Variants in DYRK1A observed in about 807,000 individuals in gnomAD.
DYRK1A encodes the protein dual specificity tyrosine-phosphorylation-regulated kinase 1A.
Under a neutral mutation model 79.7 loss-of-function variants are expected in DYRK1A, and 9 were observed. That is an observed-to-expected ratio of 0.11 (90% CI 0.07 to 0.20). The LOEUF (loss-of-function observed/expected upper bound fraction) is 0.20, where lower values mean the gene tolerates loss of function less well. DYRK1A is among the 10% of genes least tolerant of loss of function. The probability of loss-of-function intolerance (pLI) is 1.00; values close to 1 mark genes in which losing one functional copy is unlikely to be tolerated. For synonymous variants in DYRK1A, 349 were observed against 329.7 expected (o/e 1.06, Z -0.63); for missense variants, 622 against 956.0 (o/e 0.65, Z 4.61).
intron 1 of DYRK1A, among the ~76,000 whole-genome samples, chr21:37,390,643 A>G (rs965673336): frequency 6.6e-6 from 1 of 152,088 alleles, no homozygotes; most frequent in African/African-American, 2.4e-5. Context: ...ATCTTGGCTC[A>G]TTGCAACCTC....
In DYRK1A at chr21:37,430,387, A is replaced by G. The variant is rs570973661; in HGVS notation, c.10+10003A>G. 7.1e-6 allele frequency: 7 copies of G among 985,394 alleles called. No homozygotes were observed. The South Asian group carries it at 1.9e-4, about 26-fold the overall frequency. The allele number at this position is 985,394 out of a possible 1,614,324, so 61.0% of individuals were successfully genotyped here. ...TCGTTCCAGTCATAGGAGAAATGTT[A>G]CCACTGGATTGAGGTCTGGTACATT... On this transcript the variant is annotated intron_variant, in intron 2 of 11. Coordinates refer to ENST00000647188, the MANE Select transcript of DYRK1A (RefSeq NM_001347721.2).
At chr21:37,411,049 T>TTAAAA (rs1391560478) in intron 1 of DYRK1A, among the ~76,000 whole-genome samples, 7 of 56,442 alleles carry the variant, frequency 1.2e-4, no homozygotes, top group Non-Finnish European at 1.2e-4. Flanking sequence ...ATTCTGTCTT[T>TTAAAA]AAAAAAAAAA....
At chr21:37,488,225 T>C (rs2052945102) in intron 6 of DYRK1A, 4 of 435,558 alleles carry the variant, frequency 9.2e-6, no homozygotes, top group Non-Finnish European at 9.2e-6. Flanking sequence ...TTGGATGAGT[T>C]TTTAAATTCT....
At chr21:37,480,136 A>G (rs2052584385) in intron 4 of DYRK1A, among the ~76,000 whole-genome samples, 1 of 152,204 alleles carries the variant, frequency 6.6e-6, no homozygotes, top group Admixed American at 6.5e-5. Flanking sequence ...TGTTGCCATA[A>G]AATCAAATAT....
intron 2 of DYRK1A, among the ~76,000 whole-genome samples, chr21:37,450,311 A>G (rs2051404492): frequency 1.3e-5 from 2 of 152,144 alleles, no homozygotes; most frequent in South Asian, 2.1e-4. Flanking sequence ...TCAGATACCA[A>G]ATGGCCTAAA....
intron 2 of DYRK1A, among the ~76,000 whole-genome samples, chr21:37,466,043 T>A (rs1011362868): frequency 6.6e-6 from 1 of 152,232 alleles, no homozygotes; most frequent in African/African-American, 2.4e-5. Flanking sequence ...TCACTCAATC[T>A]AGATTCAAAA....
chr21:37,442,394 A>G (rs1200609913), intron 2 of DYRK1A, among the ~76,000 whole-genome samples: 1 of 152,048 alleles, frequency 6.6e-6, no homozygotes, highest in Non-Finnish European at 1.5e-5. Context: ...TAACTTTTTA[A>G]AATCTCTTCT....
At chr21:37,407,535 G>C (rs1036876355) in intron 1 of DYRK1A, among the ~76,000 whole-genome samples, 7 of 152,080 alleles carry the variant, frequency 4.6e-5, no homozygotes, top group African/African-American at 1.7e-4. Flanking sequence ...CCTTTTCAAA[G>C]TTTTTGTTAC....
chr21:37,506,263 A>G (rs2053595571), intron 11 of DYRK1A, 40 bp downstream of exon 11: 2 of 1,613,888 alleles, frequency 1.2e-6, no homozygotes, highest in Non-Finnish European at 1.7e-6. Flanking sequence ...GTCACCTGCC[A>G]TTCTCAGGTG....
chr21:37,488,809 A>G (rs1017591695), intron 6 of DYRK1A: 1 of 985,240 alleles, frequency 1.0e-6, no homozygotes, highest in African/African-American at 1.7e-5. Context: ...GCATTCATTT[A>G]GTGGCACCTG....
intron 1 of DYRK1A, among the ~76,000 whole-genome samples, chr21:37,414,154 A>T (rs1191675167): frequency 3.9e-5 from 6 of 152,138 alleles, no homozygotes; most frequent in Admixed American, 1.3e-4. Context: ...GTGCAAAGGT[A>T]ATACAGTTTT....
chr21:37,417,557 A>T (rs2050380943), intron 1 of DYRK1A, among the ~76,000 whole-genome samples: 1 of 22,778 alleles, frequency 4.4e-5, no homozygotes, highest in Non-Finnish European at 8.0e-5. Context: ...TTTTTTTTAC[A>T]AATCTTGGTG....
At chr21:37,394,937 A>G (rs1400655931) in intron 1 of DYRK1A, among the ~76,000 whole-genome samples, 1 of 152,236 alleles carries the variant, frequency 6.6e-6, no homozygotes. Context: ...TACAGTTCAC[A>G]AACGATCTCA....
Position 37,514,642 on chromosome 21 carries a change from T to C in DYRK1A, c.*2111T>C, listed in dbSNP as rs1011093666. 1 of 152,636 alleles carries C rather than the reference T, an allele frequency of 6.6e-6. No homozygotes were observed. Among genetic ancestry groups the C allele is most frequent in the Non-Finnish European group, 1.5e-5 (1 of 68,040 alleles). The allele number at this position is 152,636 out of a possible 1,614,324, so 9.5% of individuals were successfully genotyped here. ...TCGTTTTTATAAACTACAAAAACTT[T>C]TTGTTGTTTATCAGGAAATCCATAT... On this transcript the variant is annotated 3_prime_UTR_variant, in exon 12 of 12. Transcript: ENST00000647188.
chr21:37,489,036 C>T (rs904036947), intron 6 of DYRK1A, among the ~76,000 whole-genome samples: 7 of 152,082 alleles, frequency 4.6e-5, no homozygotes, highest in Non-Finnish European at 7.4e-5. Flanking sequence ...CTTATTCTAA[C>T]TTTAGATCAC....
intron 1 of DYRK1A, among the ~76,000 whole-genome samples, chr21:37,375,279 G>A (rs1439389724): frequency 1.3e-5 from 2 of 152,140 alleles, no homozygotes; most frequent in Non-Finnish European, 2.9e-5. Flanking sequence ...TTTTAAGTAA[G>A]GTTTTGTTAG....
intron 6 of DYRK1A, among the ~76,000 whole-genome samples, chr21:37,489,688 TA>T (rs1163800382): frequency 6.6e-6 from 1 of 151,136 alleles, no homozygotes; most frequent in Non-Finnish European, 1.5e-5. Context: ...CAGTGAAATC[TA>T]AAGTTCAGCA....
chr21:37,508,648 A>C (rs1374352938), intron 11 of DYRK1A, among the ~76,000 whole-genome samples: 1 of 152,116 alleles, frequency 6.6e-6, no homozygotes. Flanking sequence ...ATGTAGACTT[A>C]TTATCAAGGC....
At chr21:37,439,689 A>G (rs1359370981) in intron 2 of DYRK1A, among the ~76,000 whole-genome samples, 1 of 152,200 alleles carries the variant, frequency 6.6e-6, no homozygotes, top group African/African-American at 2.4e-5. Flanking sequence ...CCCCCATGGA[A>G]AAACTGTCCT....
Sources: allele counts gnomAD v4.1 joint callset (sites outside exome capture counted in the v4.1 genomes callset), GRCh38; gene constraint gnomAD v4.1.1; transcripts MANE v1.5; gene names NCBI Gene and HGNC (gene_info 2026-07-23, HGNC 2026-07-21).